The following CNTNAP2 variants were observed in gnomAD, a reference collection of about 807,000 sequenced individuals.
The protein encoded by CNTNAP2 is contactin-associated protein-like 2.
In CNTNAP2, 98 loss-of-function variants were observed where a neutral mutation model predicts 155.2. The observed-to-expected ratio is 0.63, with a 90% CI of 0.54 to 0.75. CNTNAP2 has a LOEUF of 0.75. Among genes scored for constraint, CNTNAP2 ranks in the 30% least tolerant of loss-of-function variants. The probability of loss-of-function intolerance (pLI) is 0.00; values close to 1 mark genes in which losing one functional copy is unlikely to be tolerated. For synonymous variants in CNTNAP2, 651 were observed against 631.2 expected (o/e 1.03, Z -0.47); for missense variants, 1,727 against 1,688.1 (o/e 1.02, Z -0.40).
At chr7:146,594,367 T>G (rs1012746713) in intron 1 of CNTNAP2, among the ~76,000 whole-genome samples, 1 of 151,950 alleles carries the variant, frequency 6.6e-6, no homozygotes, top group Non-Finnish European at 1.5e-5. Flanking sequence ...TTCTAGGATC[T>G]TACAGCTCTA....
intron 14 of CNTNAP2, among the ~76,000 whole-genome samples, chr7:147,914,163 C>T (rs1585025472): frequency 6.6e-6 from 1 of 151,692 alleles, no homozygotes; most frequent in East Asian, 1.9e-4. Flanking sequence ...AACACTTGCA[C>T]AGAAAGATGG....
chr7:146,553,355 A>G (rs1240269730), intron 1 of CNTNAP2, among the ~76,000 whole-genome samples: 4 of 152,050 alleles, frequency 2.6e-5, no homozygotes, highest in Non-Finnish European at 5.9e-5. Flanking sequence ...CTCTGAGAAT[A>G]TCAAATTAAA....
At chr7:146,481,467 A>C (rs892610122) in intron 1 of CNTNAP2, among the ~76,000 whole-genome samples, 6 of 152,210 alleles carry the variant, frequency 3.9e-5, no homozygotes, top group African/African-American at 1.4e-4. Context: ...TCTACTGCGC[A>C]GTGTTTTTGT....
At chr7:148,413,347 G>A (rs555868292) in intron 23 of CNTNAP2, among the ~76,000 whole-genome samples, 16 of 136,378 alleles carry the variant, frequency 1.2e-4, no homozygotes, top group South Asian at 2.3e-4. Flanking sequence ...AGCCCAGATC[G>A]TGCCATTGCA....
intron 1 of CNTNAP2, among the ~76,000 whole-genome samples, chr7:146,137,318 T>C (rs191976399): frequency 2.2e-4 from 34 of 152,326 alleles, no homozygotes; most frequent in African/African-American, 7.7e-4. Flanking sequence ...TTTCGGGCCA[T>C]AATATATGCC....
intron 21 of CNTNAP2, among the ~76,000 whole-genome samples, chr7:148,303,427 G>A (rs952218704): frequency 2.6e-5 from 4 of 152,274 alleles, no homozygotes; most frequent in South Asian, 2.1e-4. Flanking sequence ...CTGGAAGGGC[G>A]CATCCTCTCT....
At chr7:147,869,653 A>G (rs1373808420) in intron 13 of CNTNAP2, among the ~76,000 whole-genome samples, 1 of 152,234 alleles carries the variant, frequency 6.6e-6, no homozygotes, top group Non-Finnish European at 1.5e-5. Context: ...GCAGTGTCAT[A>G]ACTGACTCTT....
intron 21 of CNTNAP2, among the ~76,000 whole-genome samples, chr7:148,372,908 A>G (rs1425072187): frequency 6.6e-6 from 1 of 152,170 alleles, no homozygotes; most frequent in Non-Finnish European, 1.5e-5. Context: ...GCTATTTAAA[A>G]ATTTGTTTTT....
chr7:146,978,083 A>G (rs1052063720), intron 3 of CNTNAP2, among the ~76,000 whole-genome samples: 2 of 152,214 alleles, frequency 1.3e-5, no homozygotes, highest in East Asian at 1.9e-4. Context: ...AGACCAGGCT[A>G]TTAGCTGTGG....
chr7:147,255,722 CATATTTTATTTCT>C, intron 8 of CNTNAP2, among the ~76,000 whole-genome samples: 1 of 152,038 alleles, frequency 6.6e-6, no homozygotes, highest in Non-Finnish European at 1.5e-5. Context: ...GGTCTCTGTA[CATATTTTATTTCT>C]ATGTTTGTTT....
chr7:148,328,371 G>A (rs189487381), intron 21 of CNTNAP2, among the ~76,000 whole-genome samples: 2 of 152,262 alleles, frequency 1.3e-5, no homozygotes, highest in African/African-American at 4.8e-5. Context: ...TGGCAGCAGG[G>A]ACAAAATTAG....
intron 13 of CNTNAP2, among the ~76,000 whole-genome samples, chr7:147,763,427 T>TA (rs1797338414): frequency 6.6e-6 from 1 of 150,664 alleles, no homozygotes; most frequent in African/African-American, 2.5e-5. Flanking sequence ...TTCTTTTTTT[T>TA]TTTTTGGAGA....
chr7:147,733,397 G>T (rs1276450924), intron 13 of CNTNAP2, among the ~76,000 whole-genome samples: 2 of 152,182 alleles, frequency 1.3e-5, no homozygotes, highest in African/African-American at 4.8e-5. Flanking sequence ...TTTGGTACCA[G>T]TACCATGCTG....
intron 18 of CNTNAP2, among the ~76,000 whole-genome samples, chr7:148,196,924 A>G (rs893949709): frequency 6.6e-6 from 1 of 152,182 alleles, no homozygotes; most frequent in African/African-American, 2.4e-5. Flanking sequence ...GGATTCAGGG[A>G]GCAGCCCCTA....
At chr7:146,239,160 A>G (rs1375041382) in intron 1 of CNTNAP2, among the ~76,000 whole-genome samples, 2 of 152,190 alleles carry the variant, frequency 1.3e-5, no homozygotes, top group African/African-American at 4.8e-5. Flanking sequence ...TAAATTAGTA[A>G]TGCTGGAATA....
intron 15 of CNTNAP2, among the ~76,000 whole-genome samples, chr7:148,041,828 TA>T (rs994683921): frequency 3.3e-5 from 5 of 152,104 alleles, no homozygotes; most frequent in African/African-American, 1.2e-4. Flanking sequence ...GTGCAAAGGC[TA>T]AAAAAAGGTA....
At chr7:147,985,114 A>AT (rs1801594114) in intron 15 of CNTNAP2, among the ~76,000 whole-genome samples, 10 of 134,716 alleles carry the variant, frequency 7.4e-5, no homozygotes, top group Non-Finnish European at 1.6e-4. Context: ...GACTCTGTCA[A>AT]AAAATAAATA....
chr7:147,737,723 A>T (rs1297161124), intron 13 of CNTNAP2, among the ~76,000 whole-genome samples: 2 of 151,858 alleles, frequency 1.3e-5, no homozygotes, highest in African/African-American at 2.4e-5. Context: ...AATGGCGGGC[A>T]CCCCTCCCCC....
At chr7:147,101,706 C>G (rs1331002536) in intron 4 of CNTNAP2, among the ~76,000 whole-genome samples, 1 of 152,010 alleles carries the variant, frequency 6.6e-6, no homozygotes, top group Non-Finnish European at 1.5e-5. Flanking sequence ...TTCAACCACC[C>G]CACGGCCATT....
Sources: gnomAD v4.1 joint callset for allele counts (sites outside exome capture counted in the v4.1 genomes callset) on GRCh38, gnomAD v4.1.1 for gene constraint, MANE v1.5 for transcripts, NCBI Gene and HGNC (gene_info 2026-07-23, HGNC 2026-07-21) for gene names.